C12orf42: variants seen among roughly 807,000 people sequenced by gnomAD.
C12orf42 encodes the protein chromosome 12 open reading frame 42.
C12orf42 carries 25 observed loss-of-function variants against 21.6 expected under a neutral mutation model. The ratio of observed to expected loss-of-function variants is 1.16; its 90% CI spans 0.84 to 1.62. The LOEUF (loss-of-function observed/expected upper bound fraction) is 1.62, where lower values mean the gene tolerates loss of function less well. Among genes scored for constraint, C12orf42 ranks in the 40% most tolerant of loss-of-function variants. C12orf42 has a pLI of 0.00. For synonymous variants in C12orf42, 174 were observed against 175.0 expected (o/e 0.99, Z 0.05); for missense variants, 483 against 459.3 (o/e 1.05, Z -0.47).
chr12:103,312,013 G>A (rs560772462), intron 4 of C12orf42, among the ~76,000 whole-genome samples: 74 of 152,226 alleles, frequency 4.9e-4, no homozygotes, highest in East Asian at 2.9e-3. Flanking sequence ...TCTTTCTATC[G>A]ATGGTCCTCA....
At chr12:103,223,926 C>CCCT in the C12orf42 span, among the ~76,000 whole-genome samples, 2 of 152,084 alleles carry the variant, frequency 1.3e-5, no homozygotes, top group Non-Finnish European at 2.9e-5. Flanking sequence ...TTCTTGAAGA[C>CCCT]GGAGGACCGT....
At chr12:103,463,710 C>T (rs1952898282) in intron 2 of C12orf42, among the ~76,000 whole-genome samples, 3 of 152,088 alleles carry the variant, frequency 2.0e-5, no homozygotes, top group Admixed American at 2.0e-4. Flanking sequence ...GTATTAAGCC[C>T]ACATGCATTA....
chr12:103,553,228 T>TC, the C12orf42 span, among the ~76,000 whole-genome samples: 16 of 152,102 alleles, frequency 1.1e-4, no homozygotes, highest in Non-Finnish European at 4.4e-5. Flanking sequence ...TTGCCAAATA[T>TC]CCCCTGGAGA....
the C12orf42 span, among the ~76,000 whole-genome samples, chr12:103,066,372 G>A: frequency 2.6e-5 from 4 of 152,282 alleles, no homozygotes; most frequent in South Asian, 2.1e-4. Context: ...TCAAATGCCC[G>A]TGGTCTCCAC....
intron 2 of C12orf42, among the ~76,000 whole-genome samples, chr12:103,471,169 C>T (rs1056338470): frequency 2.0e-5 from 3 of 152,124 alleles, no homozygotes; most frequent in African/African-American, 7.2e-5. Context: ...TCATTCTTCC[C>T]AGAATCTCTG....
chr12:103,361,997 C>T (rs2044158690), intron 4 of C12orf42, among the ~76,000 whole-genome samples: 4 of 152,126 alleles, frequency 2.6e-5, no homozygotes, highest in South Asian at 2.1e-4. Flanking sequence ...CCTCACTATA[C>T]TACCACAGCT....
intron 2 of C12orf42, among the ~76,000 whole-genome samples, chr12:103,410,542 C>T (rs2048758353): frequency 6.6e-6 from 1 of 152,174 alleles, no homozygotes; most frequent in Admixed American, 6.5e-5. Context: ...GACTGACTGG[C>T]ATGATTGTCA....
At chr12:103,379,147 A>G (rs2045950781) in intron 3 of C12orf42, among the ~76,000 whole-genome samples, 1 of 152,206 alleles carries the variant, frequency 6.6e-6, no homozygotes, top group East Asian at 1.9e-4. Flanking sequence ...TCTAGAAATC[A>G]GCTTTCTGAA....
At chr12:103,294,549 G>C (rs1466877883) in intron 4 of C12orf42, among the ~76,000 whole-genome samples, 2 of 115,054 alleles carry the variant, frequency 1.7e-5, no homozygotes, top group Non-Finnish European at 3.6e-5. Context: ...AAGCAAGAAA[G>C]AAAGAAAGAA....
At chr12:103,548,936 T>C in the C12orf42 span, 111,016 of 152,096 alleles carry the variant, frequency 0.73, 42,092 homozygotes, top group African/African-American at 0.94. Flanking sequence ...CACTTCCTGC[T>C]ACAACACCTG....
chr12:103,547,023 A>G, the C12orf42 span, among the ~76,000 whole-genome samples: 1 of 152,208 alleles, frequency 6.6e-6, no homozygotes, highest in Non-Finnish European at 1.5e-5. Flanking sequence ...ACTCAGACTT[A>G]ACCACTTCTT....
At chr12:103,229,751 C>G in the C12orf42 span, among the ~76,000 whole-genome samples, 12 of 152,088 alleles carry the variant, frequency 7.9e-5, no homozygotes, top group Admixed American at 1.3e-4. Flanking sequence ...TCATTTTTTA[C>G]TTTTATTCTT....
the C12orf42 span, among the ~76,000 whole-genome samples, chr12:103,185,925 C>T: frequency 1.3e-5 from 2 of 152,112 alleles, no homozygotes; most frequent in Non-Finnish European, 2.9e-5. Context: ...TGTACTAATA[C>T]AACATGTCCC....
chr12:103,307,259 TTGACTGC>T (rs2038448319), intron 4 of C12orf42, among the ~76,000 whole-genome samples: 1 of 152,294 alleles, frequency 6.6e-6, no homozygotes, highest in African/African-American at 2.4e-5. Flanking sequence ...TAGCCCAATA[TTGACTGC>T]TGAAGCCACT....
chr12:103,238,626 G>A (rs190888382), intron 10 of C12orf42, among the ~76,000 whole-genome samples: 110 of 152,330 alleles, frequency 7.2e-4, no homozygotes, highest in African/African-American at 2.5e-3. Flanking sequence ...TTTCTTTGGA[G>A]CCAGCATGAC....
In C12orf42 at chr12:103,413,053, T is replaced by C. The variant is rs149356774; in HGVS notation, c.79-11378A>G. 3.5e-3 allele frequency among the ~76,000 whole-genome samples: 534 copies of C among 152,310 alleles called. 5 individuals are homozygous for C. The highest frequency in any genetic ancestry group is 0.012 in the African/African-American group (517 of 41,558). On this transcript the variant is annotated intron_variant, in intron 2 of 5. Transcript: ENST00000548883. Reference sequence around the variant, plus strand: ...TTGCCAAGGCCAATGTCAAGAAGAGTATTTCCTAAGTTGTCTTCTGGATTT... The same window carrying C: ...TTGCCAAGGCCAATGTCAAGAAGAGCATTTCCTAAGTTGTCTTCTGGATTT...
At chr12:103,171,472 G>T in the C12orf42 span, among the ~76,000 whole-genome samples, 1 of 152,128 alleles carries the variant, frequency 6.6e-6, no homozygotes, top group Non-Finnish European at 1.5e-5. Context: ...ATAGAAGGAA[G>T]AACTGTTAAG....
At chr12:103,104,858 A>G in the C12orf42 span, among the ~76,000 whole-genome samples, 2 of 152,218 alleles carry the variant, frequency 1.3e-5, no homozygotes, top group Non-Finnish European at 2.9e-5. Context: ...CCCACCACAC[A>G]GGGAAGGAAA....
chr12:103,163,466 C>A, the C12orf42 span, among the ~76,000 whole-genome samples: 1 of 152,108 alleles, frequency 6.6e-6, no homozygotes, highest in African/African-American at 2.4e-5. Context: ...CCAGGACTGC[C>A]CTTGTGTTTG....
Sources: gnomAD v4.1 joint callset for allele counts (sites outside exome capture counted in the v4.1 genomes callset) on GRCh38, gnomAD v4.1.1 for gene constraint, MANE v1.5 for transcripts, NCBI Gene and HGNC (gene_info 2026-07-23, HGNC 2026-07-21) for gene names.